C1R: variants seen among roughly 807,000 people sequenced by gnomAD.
C1R encodes complement C1r subcomponent.
A neutral mutation model predicts 27.6 loss-of-function variants in C1R; 15 were observed. The ratio of observed to expected loss-of-function variants is 0.54; its 90% CI spans 0.36 to 0.84. The LOEUF is 0.84. C1R is among the 40% of genes least tolerant of loss of function. The pLI, the probability that C1R is intolerant of heterozygous loss-of-function variation, is 0.01. For missense variants in C1R, 544 were observed against 577.9 expected, an observed-to-expected ratio of 0.94 and a Z score of 0.60; for synonymous variants, 253 against 228.8, an observed-to-expected ratio of 1.11 and a Z score of -0.95.
At position 7,091,904 on chromosome 12, in the gene C1R, C is replaced by T; in HGVS notation, c.3-224G>A. On this transcript the variant is annotated intron_variant, in intron 1 of 10. Coordinates refer to ENST00000647956, the MANE Select transcript of C1R (RefSeq NM_001733.7). The surrounding 1 kb of genome is among the most constrained non-coding windows in gnomAD (Gnocchi z 5.1). The stretch of plus-strand genomic sequence containing the variant: ...TCCAGGGCAGTGTCCAGTCCAGAGG[C>T]CACCACACTCCCCTCACACTCCCTT... 1.5e-6 allele frequency: 1 copy of T among 681,368 alleles called. No homozygotes were observed. Among genetic ancestry groups the T allele is most frequent in the Non-Finnish European group, 2.7e-6 (1 of 372,602 alleles). 42.2% of individuals were successfully genotyped at this position (681,368 alleles called of 1,614,324 possible).
chr12:7,081,442 G>A (rs373144614), intron 10 of C1R, 141 bp from the exon 11 acceptor site: 78 of 704,522 alleles, frequency 1.1e-4, no homozygotes, highest in South Asian at 7.9e-4. Flanking sequence ...CCACACCTCC[G>A]TCATTGGCCT....
In C1R at chr12:7,089,138, C is replaced by A. The variant is rs957969181; in HGVS notation, c.769-152G>T. 9 of 632,854 alleles carry A rather than the reference C, an allele frequency of 1.4e-5. No homozygotes were observed. In the African/African-American group the frequency reaches 1.6e-4, roughly 12 times the overall value. The allele number at this position is 632,854 out of a possible 1,614,324, so 39.2% of individuals were successfully genotyped here. A position where few individuals can be genotyped will look rare whatever the true frequency, so the allele number is the denominator to read the frequency against. On this transcript the variant is annotated intron_variant, in intron 5 of 10. Transcript: ENST00000647956. ...GAAGGTGAAAAGGGATCCCCATGAC[C>A]CAATTCTAGTTGTGTGGGAACTTAC...
intron 9 of C1R, among the ~76,000 whole-genome samples, chr12:7,083,151 AGG>A (rs1938093310): frequency 1.3e-5 from 2 of 152,140 alleles, no homozygotes; most frequent in Non-Finnish European, 2.9e-5. Context: ...GAGAATGGAG[AGG>A]GGAGTTTCAC....
intron 1 of C1R, 60 bp downstream of exon 1, chr12:7,092,327 A>G: frequency 1.3e-6 from 1 of 780,630 alleles, no homozygotes; most frequent in Non-Finnish European, 2.4e-6. Flanking sequence ...ATTGCCTCCC[A>G]TGCCCTGGCT....
rs762647716 is a variant in C1R, at chr12:7,090,025, A to G, written c.424+31T>C. Reference sequence around the variant, plus strand: ...CCCCCCATTCAATATGGCTGAGGTCAGAGAAAAGGGATCCCTGGGGGGCTA... The same window carrying G: ...CCCCCCATTCAATATGGCTGAGGTCGGAGAAAAGGGATCCCTGGGGGGCTA... On this transcript the variant is annotated intron_variant, in intron 3 of 10. Coordinates refer to ENST00000647956, the MANE Select transcript of C1R (RefSeq NM_001733.7). 5.3e-6 allele frequency: 4 copies of G among 747,810 alleles called. No individual in the cohort carries two copies. The South Asian group carries it at 5.7e-5, about 11-fold the overall frequency. 46.3% of individuals were successfully genotyped at this position (747,810 alleles called of 1,614,324 possible). A position where few individuals can be genotyped will look rare whatever the true frequency, so the allele number is the denominator to read the frequency against.
chr12:7,080,408 A>G lies in C1R; in HGVS notation c.*124T>C. On this transcript the variant is annotated 3_prime_UTR_variant, in exon 11 of 11. Transcript: ENST00000647956. The surrounding 1 kb of genome is among the most constrained non-coding windows in gnomAD (Gnocchi z 4.9). ...GGGACTACAGGAAAGAGAATTTCAC[A>G]CACGGTCTTTCTGCATCAGTAATTT... The G allele has an allele frequency of 2.1e-6, 3 of 1,434,796 alleles. No individual in the cohort carries two copies. Among genetic ancestry groups the G allele is most frequent in the Non-Finnish European group, 2.7e-6 (3 of 1,095,968 alleles). The allele number at this position is 1,434,796 out of a possible 1,614,324, so 88.9% of individuals were successfully genotyped here. A position where few individuals can be genotyped will look rare whatever the true frequency, so the allele number is the denominator to read the frequency against.
intron 7 of C1R, chr12:7,088,371 G>T (rs1484615877): frequency 8.6e-6 from 6 of 697,674 alleles, no homozygotes; most frequent in Non-Finnish European, 1.3e-5. Flanking sequence ...TATTGCTCAG[G>T]CTGGAGTGCA....
At chr12:7,083,330 GTGT>G (rs1375582194) in intron 9 of C1R, among the ~76,000 whole-genome samples, 1 of 29,100 alleles carries the variant, frequency 3.4e-5, no homozygotes, top group African/African-American at 1.0e-4. Flanking sequence ...GGTGGTAATG[GTGT>G]TGGTGGTGAT....
At chr12:7,090,346 C>T (rs1427547693) in intron 2 of C1R, 98 bp from the exon 3 acceptor site, 8 of 640,330 alleles carry the variant, frequency 1.2e-5, no homozygotes, top group Admixed American at 2.4e-5. Flanking sequence ...CAGAGTGCAT[C>T]ATGCACCACA....
intron 4 of C1R, 40 bp downstream of exon 4, chr12:7,089,547 G>A (rs1271200545): frequency 1.3e-6 from 1 of 780,518 alleles, no homozygotes; most frequent in African/African-American, 1.7e-5. Flanking sequence ...AGCAAGCCCT[G>A]GCTCAACCCC....
chr12:7,085,178 ATGG>A (rs1938129645), intron 9 of C1R, among the ~76,000 whole-genome samples: 1 of 135,760 alleles, frequency 7.4e-6, no homozygotes, highest in Non-Finnish European at 1.6e-5. Flanking sequence ...GGTGTCAGTA[ATGG>A]TGGTGGTGAT....
rs1372659145 is a variant in C1R, at chr12:7,081,214, A to G, written c.1436T>C (p.Val479Ala). The G allele has an allele frequency of 6.2e-7, 1 of 1,613,274 alleles. No homozygotes were observed. The highest frequency in any genetic ancestry group is 1.1e-5 in the South Asian group (1 of 91,012). The part of the protein sequence containing the change: ...KAKMGNFPWQ[V>A]FTNIHGRGGG... The stretch of plus-strand genomic sequence containing the variant: ...CCCGCGCCCGTGGATGTTGGTGAAC[A>G]CCTGCCAGGGGAAGTTGCCCATCTT... Residue 479 changes from valine to alanine, a missense_variant, in exon 11 of 11, where the codon GTG becomes GCG. This residue lies in a region of C1R where 253 missense variants were observed against 368.9 expected (regional missense o/e 0.69). Transcript: ENST00000647956.
chr12:7,092,063 GC>G, intron 1 of C1R: 1 of 571,820 alleles, frequency 1.7e-6, no homozygotes, highest in Non-Finnish European at 3.2e-6. Flanking sequence ...TTCAGCAAGA[GC>G]GTCTGGGAGA....
chr12:7,085,077 ATGGTGG>A (rs1325021925), intron 9 of C1R, among the ~76,000 whole-genome samples: 3 of 97,710 alleles, frequency 3.1e-5, no homozygotes, highest in Non-Finnish European at 6.6e-5. Flanking sequence ...GATAGTGGTG[ATGGTGG>A]TGATGGTGGT....
Position 7,090,161 on chromosome 12 carries a change from A to T in C1R, c.319T>A (p.Ser107Thr). 1.3e-6 allele frequency: 1 copy of T among 770,888 alleles called. No individual in the cohort carries two copies. Among genetic ancestry groups the T allele is most frequent in the Non-Finnish European group, 2.4e-6 (1 of 413,062 alleles). 47.8% of individuals were successfully genotyped at this position (770,888 alleles called of 1,614,324 possible). A position where few individuals can be genotyped will look rare whatever the true frequency, so the allele number is the denominator to read the frequency against. The change falls in exon 3 of 11, where the codon TCC becomes ACC. Residue 107 changes from serine to threonine, a missense_variant. By Grantham distance (58) the Ser-to-Thr change is moderately conservative. Around this residue, in one of 2 missense-constraint regions of C1R, gnomAD observed 291 missense variants for 209.0 expected, o/e 1.39. Transcript: ENST00000647956. ...GNPPGKKEFM[S>T]QGNKMLLTFH... The stretch of plus-strand genomic sequence containing the variant: ...GTCAGCAGCATCTTGTTCCCTTGGG[A>T]CATAAATTCCTTCTTTCCCGGGGGG...
In C1R at chr12:7,092,374, C is replaced by T. The variant is rs201437246; in HGVS notation, c.2+13G>A. The T allele has an allele frequency of 1.0e-4, 81 of 780,778 alleles. No homozygotes were observed. The highest frequency in any genetic ancestry group is 1.7e-4 in the Non-Finnish European group (70 of 417,998). 48.4% of individuals were successfully genotyped at this position (780,778 alleles called of 1,614,324 possible). A position where few individuals can be genotyped will look rare whatever the true frequency, so the allele number is the denominator to read the frequency against. On this transcript the variant is annotated intron_variant, in intron 1 of 10. Coordinates refer to ENST00000647956, the MANE Select transcript of C1R (RefSeq NM_001733.7). ...TTCTCCCTCCCACCTGGTTGCCCAT[C>T]ACCCTTACTCACATTTCTCAAGGCC...
rs1801046 is a variant in C1R at position 7,089,703 on chromosome 12, G to A, written c.455C>T (p.Ser152Leu). ...CTGGGGCTGGGGATCCTCCTCCCCT[G>A]ATTTGCTCCGGGAAGCACATTCATC... ...DLDECASRSK[S>L]GEEDPQPQCQ... The change falls in exon 4 of 11, where the codon TCA (serine) becomes TTA (leucine). Residue 152 changes from serine to leucine, a missense_variant. By Grantham distance (145) the Ser-to-Leu change is moderately radical (BLOSUM62 -2). Around this residue, in one of 2 missense-constraint regions of C1R, gnomAD observed 291 missense variants for 209.0 expected, o/e 1.39. Coordinates refer to ENST00000647956, the MANE Select transcript of C1R (RefSeq NM_001733.7). The A allele has an allele frequency of 0.24, 185,227 of 780,680 alleles. 23,739 individuals carry two copies. The highest frequency in any genetic ancestry group is 0.41 in the East Asian group (16,834 of 41,236). The allele number at this position is 780,680 out of a possible 1,614,324, so 48.4% of individuals were successfully genotyped here. A position where few individuals can be genotyped will look rare whatever the true frequency, so the allele number is the denominator to read the frequency against.
At chr12:7,082,410 C>T (rs1037679544) in intron 9 of C1R, among the ~76,000 whole-genome samples, 1 of 152,096 alleles carries the variant, frequency 6.6e-6, no homozygotes, top group Non-Finnish European at 1.5e-5. Context: ...CGGCTTACTG[C>T]AAGCTCCGTC....
Position 7,081,224 on chromosome 12 carries a change from G to T in C1R, c.1426C>A (p.Pro476Thr). The T allele has an allele frequency of 6.2e-7, 1 of 1,613,286 alleles. No homozygotes were observed. The highest frequency in any genetic ancestry group is 8.5e-7 in the Non-Finnish European group (1 of 1,179,568). The stretch of plus-strand genomic sequence containing the variant: ...TGGATGTTGGTGAACACCTGCCAGG[G>T]GAAGTTGCCCATCTTGGCTTTTTGC... The part of the protein sequence containing the change: ...GGQKAKMGNF[P>T]WQVFTNIHGR... Residue 476 changes from proline to threonine, a missense_variant, in exon 11 of 11, where the codon CCC (proline) becomes ACC (threonine). By Grantham distance (38) the Pro-to-Thr change is conservative. Coordinates refer to ENST00000647956, the MANE Select transcript of C1R (RefSeq NM_001733.7).
Sources: gnomAD v4.1 joint callset for allele counts (sites outside exome capture counted in the v4.1 genomes callset) on GRCh38, gnomAD v4.1.1 for gene constraint, gnomAD v4.1.1 regional missense constraint, Gnocchi (gnomAD v3.1) non-coding constraint, MANE v1.5 for transcripts, NCBI Gene and HGNC (gene_info 2026-07-23, HGNC 2026-07-21) for gene names.